PKIB: variants seen among roughly 807,000 people sequenced by gnomAD.
The protein encoded by PKIB is PKI-beta.
PKIB carries 2 observed loss-of-function variants against 4.5 expected under a neutral mutation model. The ratio of observed to expected loss-of-function variants is 0.44; its 90% CI spans 0.18 to 1.39. The LOEUF (loss-of-function observed/expected upper bound fraction) is 1.39. PKIB is among the 40% of genes most tolerant of loss of function. PKIB has a pLI of 0.27. For missense variants in PKIB, 94 were observed against 92.6 expected (o/e 1.02, Z -0.06); for synonymous variants, 38 against 36.0 (o/e 1.06, Z -0.20).
intron 3 of PKIB, among the ~76,000 whole-genome samples, chr6:122,711,970 C>T (rs577835806): frequency 1.3e-5 from 2 of 152,080 alleles, no homozygotes; most frequent in African/African-American, 4.8e-5. Flanking sequence ...GTAGGGTTCC[C>T]TTTGACTTAC....
intron 2 of PKIB, among the ~76,000 whole-genome samples, chr6:122,523,569 G>A (rs1241561875): frequency 6.6e-6 from 1 of 152,024 alleles, no homozygotes; most frequent in African/African-American, 2.4e-5. Context: ...GCTCACCTGA[G>A]GTCAGGAATT....
At chr6:122,502,161 C>CA (rs998050023) in intron 2 of PKIB, among the ~76,000 whole-genome samples, 69 of 151,290 alleles carry the variant, frequency 4.6e-4, no homozygotes, top group Admixed American at 4.1e-3. Flanking sequence ...CATTTTGGTC[C>CA]AAAAAAAATT....
At chr6:122,621,400 A>G (rs1404020555) in intron 1 of PKIB, among the ~76,000 whole-genome samples, 3 of 152,198 alleles carry the variant, frequency 2.0e-5, no homozygotes, top group African/African-American at 7.2e-5. Flanking sequence ...GCCCTTCAAG[A>G]GCACAGGATT....
chr6:122,590,059 G>A (rs1773970687), intron 3 of PKIB, among the ~76,000 whole-genome samples: 1 of 152,078 alleles, frequency 6.6e-6, no homozygotes, highest in African/African-American at 2.4e-5. Context: ...AGAACAAAAG[G>A]GGGATTTTAA....
At chr6:122,708,514 A>G (rs1779147726) in intron 3 of PKIB, among the ~76,000 whole-genome samples, 1 of 152,070 alleles carries the variant, frequency 6.6e-6, no homozygotes, top group South Asian at 2.1e-4. Context: ...GTGACTGGTG[A>G]CTTGTATGGT....
intron 1 of PKIB, among the ~76,000 whole-genome samples, chr6:122,615,283 C>CTGA (rs1774936382): frequency 6.6e-6 from 1 of 152,108 alleles, no homozygotes; most frequent in South Asian, 2.1e-4. Flanking sequence ...GAGGTTTCAT[C>CTGA]TGAAGGCTAC....
At chr6:122,529,885 G>A (rs1284355287) in intron 2 of PKIB, among the ~76,000 whole-genome samples, 1 of 152,018 alleles carries the variant, frequency 6.6e-6, no homozygotes, top group East Asian at 1.9e-4. Context: ...GCTTTAAACA[G>A]TTTGATTATA....
At chr6:122,607,471 T>C (rs1236384311), upstream of PKIB, among the ~76,000 whole-genome samples, 1 of 152,094 alleles carries the variant, frequency 6.6e-6, no homozygotes, top group East Asian at 1.9e-4. Context: ...TGAGCCGAGA[T>C]TGGGCCACTG....
intron 2 of PKIB, among the ~76,000 whole-genome samples, chr6:122,549,876 A>G (rs1019581530): frequency 6.8e-6 from 1 of 147,558 alleles, no homozygotes; most frequent in Non-Finnish European, 1.5e-5. Flanking sequence ...ATATAAAAAT[A>G]TATAATTTTA....
intron 2 of PKIB, among the ~76,000 whole-genome samples, chr6:122,576,711 T>TATATATATATATA (rs1554221348): frequency 1.6e-4 from 12 of 75,652 alleles, no homozygotes; most frequent in Non-Finnish European, 2.4e-4. Flanking sequence ...TATATATATA[T>TATATATATATATA]TTTCTTTTGT....
At chr6:122,707,955 A>C (rs995697564) in intron 3 of PKIB, among the ~76,000 whole-genome samples, 2 of 73,614 alleles carry the variant, frequency 2.7e-5, no homozygotes, top group African/African-American at 1.0e-4. Context: ...TCATATGCAA[A>C]AAGAAAAAAA....
At chr6:122,633,058 CT>C (rs1328003763) in intron 1 of PKIB, among the ~76,000 whole-genome samples, 1 of 152,096 alleles carries the variant, frequency 6.6e-6, no homozygotes, top group Non-Finnish European at 1.5e-5. Flanking sequence ...GTGTATGGAG[CT>C]GCTTACTCAA....
At chr6:122,707,140 G>GA (rs1299883095) in intron 3 of PKIB, among the ~76,000 whole-genome samples, 6 of 151,946 alleles carry the variant, frequency 3.9e-5, no homozygotes, top group African/African-American at 1.4e-4. Context: ...ATAATTTGAT[G>GA]AAAAAATATT....
intron 2 of PKIB, among the ~76,000 whole-genome samples, chr6:122,511,211 G>A (rs1391767027): frequency 6.6e-6 from 1 of 151,948 alleles, no homozygotes; most frequent in Non-Finnish European, 1.5e-5. Context: ...GTTTTTTAAG[G>A]TCCTCTTCAA....
intron 3 of PKIB, among the ~76,000 whole-genome samples, chr6:122,594,542 C>T (rs1003439655): frequency 5.3e-5 from 8 of 152,180 alleles, no homozygotes; most frequent in Non-Finnish European, 5.9e-5. Context: ...CATGCACAAA[C>T]ATGTTTTTAA....
At position 122,620,343 on chromosome 6, in the gene PKIB, A is replaced by C. The variant is rs531290372; in HGVS notation, c.-161+9808A>C. The stretch of plus-strand genomic sequence containing the variant: ...CATGTGGTCGTGTGTGTTTTTTTGA[A>C]TTCCCAAATGTATTCAGAAGAGAAC... On this transcript the variant is annotated intron_variant, in intron 1 of 4. Coordinates refer to ENST00000368452, the MANE Select transcript of PKIB (RefSeq NM_181795.3). Among the ~76,000 whole-genome samples the C allele has an allele frequency of 6.6e-5, 10 of 152,202 alleles. No homozygotes were observed. In the South Asian group the frequency reaches 2.1e-3, roughly 32 times the overall value.
chr6:122,671,548 T>C (rs1196544688), intron 2 of PKIB, among the ~76,000 whole-genome samples: 2 of 152,130 alleles, frequency 1.3e-5, no homozygotes, highest in African/African-American at 4.8e-5. Context: ...TCCTTGGTGT[T>C]TTGAGGCAGA....
In PKIB at chr6:122,525,674, A is replaced by G. The variant is rs139505367; in HGVS notation, c.-248+47735A>G. On this transcript the variant is annotated intron_variant, in intron 2 of 6. Transcript: ENST00000392491. ...ACATACTTTAATTAAAAAATACTCT[A>G]TGGCTAAAAAATGCTGATGATTATC... Among the ~76,000 whole-genome samples the G allele has an allele frequency of 1.7e-3, 254 of 152,314 alleles. 1 individual carries two copies. Among genetic ancestry groups the G allele is most frequent in the African/African-American group, 5.7e-3 (235 of 41,576 alleles).
At chr6:122,709,068 C>A (rs1171427524) in intron 3 of PKIB, among the ~76,000 whole-genome samples, 1 of 152,186 alleles carries the variant, frequency 6.6e-6, no homozygotes, top group Non-Finnish European at 1.5e-5. Context: ...TGACTGATAT[C>A]TAAATAAATT....
Sources: gnomAD v4.1 joint callset for allele counts (sites outside exome capture counted in the v4.1 genomes callset) on GRCh38, gnomAD v4.1.1 for gene constraint, MANE v1.5 for transcripts, NCBI Gene and HGNC (gene_info 2026-07-23, HGNC 2026-07-21) for gene names.